The following SLC38A9 variants were observed in gnomAD, a reference collection of about 807,000 sequenced individuals.
SLC38A9 encodes the protein solute carrier family 38 member 9.
Under a neutral mutation model 62.3 loss-of-function variants are expected in SLC38A9, and 48 were observed. That is an observed-to-expected ratio of 0.77 (90% confidence interval 0.61 to 0.98). The LOEUF (loss-of-function observed/expected upper bound fraction) is 0.98, where lower values mean the gene tolerates loss of function less well. Ranked by LOEUF, SLC38A9 falls within the 50% of genes least tolerant of loss-of-function variation. The probability of loss-of-function intolerance (pLI) is 0.00; values close to 1 mark genes in which losing one functional copy is unlikely to be tolerated. For synonymous variants in SLC38A9, 204 were observed against 227.7 expected, an observed-to-expected ratio of 0.90 and a Z score of 0.94; for missense variants, 541 against 679.8, an observed-to-expected ratio of 0.80 and a Z score of 2.27.
chr5:55,644,420 C>A (rs1261878235), intron 12 of SLC38A9, among the ~76,000 whole-genome samples: 1 of 151,714 alleles, frequency 6.6e-6, no homozygotes, highest in Non-Finnish European at 1.5e-5. Context: ...GGATCAGTTG[C>A]ATTTTTTGTT....
chr5:55,655,803 T>C (rs183711834), intron 9 of SLC38A9, among the ~76,000 whole-genome samples: 1 of 152,304 alleles, frequency 6.6e-6, no homozygotes, highest in East Asian at 1.9e-4. Context: ...CCCTGAAATC[T>C]AAATACATAA....
At chr5:55,646,074 G>C (rs925285885) in intron 11 of SLC38A9, among the ~76,000 whole-genome samples, 179 bp from the exon 12 acceptor site, 1 of 152,118 alleles carries the variant, frequency 6.6e-6, no homozygotes, top group Non-Finnish European at 1.5e-5. Context: ...ACTCAAAAGG[G>C]GGAAAAAAAG....
intron 10 of SLC38A9, among the ~76,000 whole-genome samples, chr5:55,651,287 G>C (rs1406227265): frequency 2.7e-5 from 3 of 111,892 alleles, no homozygotes; most frequent in Non-Finnish European, 5.1e-5. Context: ...GTCTCATTCT[G>C]TCACCCAGGC....
intron 12 of SLC38A9, among the ~76,000 whole-genome samples, chr5:55,641,548 A>G (rs754008494): frequency 5.3e-5 from 8 of 152,156 alleles, no homozygotes; most frequent in Non-Finnish European, 4.4e-5. Context: ...CAACATTTCC[A>G]CAGTTGGCTA....
chr5:55,677,925 A>G (rs11353996), intron 3 of SLC38A9, among the ~76,000 whole-genome samples: 1,236 of 26,384 alleles, frequency 0.047, 22 homozygotes, highest in Non-Finnish European at 0.11. Flanking sequence ...TTTTTTCTTT[A>G]TTGTGTGTGT....
chr5:55,678,138 G>GTTTTTTTTTTTTTTTTTTT (rs769465008), intron 3 of SLC38A9, among the ~76,000 whole-genome samples: 1 of 129,442 alleles, frequency 7.7e-6, no homozygotes, highest in Non-Finnish European at 1.6e-5. Flanking sequence ...AAGGTTACTG[G>GTTTTTTTTTTTTTTTTTTT]TTTTTTTTTC....
At chr5:55,665,545 T>TC (rs763018013) in intron 7 of SLC38A9, among the ~76,000 whole-genome samples, 2 of 128,988 alleles carry the variant, frequency 1.6e-5, no homozygotes, top group Admixed American at 8.2e-5. Context: ...AGACTCCATC[T>TC]CAAAAAAAAA....
At chr5:55,629,685 T>C (rs1743077522) in intron 14 of SLC38A9, among the ~76,000 whole-genome samples, 1 of 152,002 alleles carries the variant, frequency 6.6e-6, no homozygotes, top group African/African-American at 2.4e-5. Flanking sequence ...TTGACAGAGA[T>C]TTTCCAGAAA....
intron 3 of SLC38A9, among the ~76,000 whole-genome samples, chr5:55,678,646 T>TTTG (rs1491139048): frequency 0.14 from 2,538 of 17,614 alleles, 400 homozygotes; most frequent in East Asian, 0.28. Context: ...TGAAATGAAC[T>TTTG]TTTTTTTTTT....
rs115167158 is a variant in SLC38A9 at position 55,710,579 on chromosome 5, G to A, written c.-35+873C>T. Among the ~76,000 whole-genome samples the A allele has an allele frequency of 2.6e-3, 403 of 152,114 alleles. 1 individual carries two copies. Among genetic ancestry groups the A allele is most frequent in the African/African-American group, 9.3e-3 (385 of 41,526 alleles). On this transcript the variant is annotated intron_variant, in intron 2 of 15. Coordinates refer to ENST00000396865, the MANE Select transcript of SLC38A9 (RefSeq NM_173514.4). ...AGAGATTTTTCTCAAGTTAGGACAT[G>A]GGTAATTTTGACCTATTGAAACTTT... is the stretch of plus-strand genomic sequence containing the variant.
At chr5:55,685,514 T>C (rs1222928373) in intron 3 of SLC38A9, among the ~76,000 whole-genome samples, 4 of 152,248 alleles carry the variant, frequency 2.6e-5, no homozygotes, top group Admixed American at 6.5e-5. Context: ...TGTAGACATA[T>C]GTTTTTAATT....
chr5:55,686,180 TA>T (rs1244084334), intron 3 of SLC38A9, among the ~76,000 whole-genome samples: 2 of 152,204 alleles, frequency 1.3e-5, no homozygotes, highest in African/African-American at 4.8e-5. Context: ...TTTCTGTCTT[TA>T]AGTCTTTGAG....
At chr5:55,709,715 C>T (rs1266195166) in intron 2 of SLC38A9, among the ~76,000 whole-genome samples, 2 of 152,024 alleles carry the variant, frequency 1.3e-5, no homozygotes, top group Non-Finnish European at 2.9e-5. Flanking sequence ...CAATTAAAAG[C>T]ATATTATTTT....
At chr5:55,649,169 C>G (rs373368555) in intron 11 of SLC38A9, 38 bp downstream of exon 11, 1 of 1,174,036 alleles carries the variant, frequency 8.5e-7, no homozygotes, top group Non-Finnish European at 1.2e-6. Context: ...TGGTTAAGAT[C>G]ACATTATTAT....
At chr5:55,633,567 A>G (rs962400324) in intron 14 of SLC38A9, 187 bp downstream of exon 14, 2 of 660,516 alleles carry the variant, frequency 3.0e-6, no homozygotes, top group South Asian at 4.6e-5. Context: ...ACTTTAAATC[A>G]TTCTAGACAA....
chr5:55,706,931 C>A (rs1179578058), intron 2 of SLC38A9, among the ~76,000 whole-genome samples: 1 of 151,364 alleles, frequency 6.6e-6, no homozygotes, highest in African/African-American at 2.4e-5. Context: ...TTTCAGGTGA[C>A]AACAGATATG....
intron 2 of SLC38A9, among the ~76,000 whole-genome samples, chr5:55,709,232 G>A (rs1056673282): frequency 6.6e-6 from 1 of 152,186 alleles, no homozygotes; most frequent in Non-Finnish European, 1.5e-5. Context: ...CAACGCTGTG[G>A]TACCAAAGAA....
chr5:55,648,152 T>C (rs2150150973), intron 11 of SLC38A9, among the ~76,000 whole-genome samples: 1 of 152,272 alleles, frequency 6.6e-6, no homozygotes, highest in East Asian at 1.9e-4. Context: ...GGCAGGAGAA[T>C]CACTTGAACC....
chr5:55,639,034 A>G (rs1744946789), intron 12 of SLC38A9, among the ~76,000 whole-genome samples: 1 of 152,092 alleles, frequency 6.6e-6, no homozygotes, highest in Admixed American at 6.6e-5. Flanking sequence ...AATAGAAATG[A>G]TGGCCAGGCG....
Sources: allele counts gnomAD v4.1 joint callset (sites outside exome capture counted in the v4.1 genomes callset), GRCh38; gene constraint gnomAD v4.1.1; transcripts MANE v1.5; gene names NCBI Gene and HGNC (gene_info 2026-07-23, HGNC 2026-07-21).